Variants in PTPRN2 observed in about 807,000 individuals in gnomAD.
The protein encoded by PTPRN2 is receptor-type tyrosine-protein phosphatase N2.
PTPRN2 carries 74 observed loss-of-function variants against 118.8 expected under a neutral mutation model. That is an observed-to-expected ratio of 0.62 (90% CI 0.52 to 0.76). PTPRN2 has a LOEUF of 0.76. Ranked by LOEUF, PTPRN2 falls within the 30% of genes least tolerant of loss-of-function variation. The pLI, the probability that PTPRN2 is intolerant of heterozygous loss-of-function variation, is 0.00. For synonymous variants in PTPRN2, 641 were observed against 608.0 expected, an observed-to-expected ratio of 1.05 and a Z score of -0.80; for missense variants, 1,481 against 1,394.4, an observed-to-expected ratio of 1.06 and a Z score of -0.99.
At position 157,539,426 on chromosome 7, in the gene PTPRN2, G is replaced by A. The variant is rs1797908186; in HGVS notation, c.*1288C>T. 1 of 152,212 alleles carries A rather than the reference G, an allele frequency of 6.6e-6. No homozygotes were observed. The highest frequency in any genetic ancestry group is 1.5e-5 in the Non-Finnish European group (1 of 68,052). 9.4% of individuals were successfully genotyped at this position (152,212 alleles called of 1,614,324 possible). A position where few individuals can be genotyped will look rare whatever the true frequency, so the allele number is the denominator to read the frequency against. On this transcript the variant is annotated 3_prime_UTR_variant, in exon 23 of 23. Coordinates refer to ENST00000389418, the MANE Select transcript of PTPRN2 (RefSeq NM_002847.5). ...CGTTTTCTACGCTGAACCCCACACA[G>A]GAAATCTGCAGCCCACACAGCTGCC...
chr7:158,513,052 C>T (rs1823288458), intron 1 of PTPRN2, among the ~76,000 whole-genome samples: 1 of 152,206 alleles, frequency 6.6e-6, no homozygotes, highest in Non-Finnish European at 1.5e-5. Flanking sequence ...TGGGTTTACA[C>T]TGTGCCTTCC....
chr7:157,800,067 T>C (rs1411985232), intron 12 of PTPRN2, among the ~76,000 whole-genome samples: 8 of 126,864 alleles, frequency 6.3e-5, no homozygotes, highest in African/African-American at 1.8e-4. Context: ...CCCCATCCCT[T>C]AGAGGTACCA....
At position 157,729,369 on chromosome 7, in the gene PTPRN2, A is replaced by C. The variant is rs2150935258; in HGVS notation, c.1789-46432T>G. On this transcript the variant is annotated intron_variant, in intron 12 of 22. Transcript: ENST00000389418. The surrounding 1 kb of genome is among the most constrained non-coding windows in gnomAD (Gnocchi z 4.3). The stretch of plus-strand genomic sequence containing the variant: ...GGAACCCTGGGCTCTGGAGGGCTGG[A>C]TGCCTTCAGGTCCCGGACCCCCCAC... Among the ~76,000 whole-genome samples, 1 of 152,218 alleles carries C rather than the reference A, an allele frequency of 6.6e-6. No homozygotes were observed. The highest frequency in any genetic ancestry group is 2.1e-4 in the South Asian group (1 of 4,822).
chr7:158,484,938 A>G (rs988573774), intron 2 of PTPRN2, among the ~76,000 whole-genome samples: 5 of 152,186 alleles, frequency 3.3e-5, no homozygotes. Context: ...CGGCTGCAGG[A>G]GGAGCCTCCC....
In PTPRN2 at chr7:157,622,454, G is replaced by A. The variant is rs1803313574; in HGVS notation, c.2197-945C>T. On this transcript the variant is annotated intron_variant, in intron 14 of 22. Coordinates refer to ENST00000389418, the MANE Select transcript of PTPRN2 (RefSeq NM_002847.5). This position sits in a 1 kb window ranked among gnomAD's most constrained non-coding sequence, Gnocchi z 5.3. ...CCCTGACATCCCCTTCGATTGATCCGAGGAGCTGGGATGGTCCCTCCCTGC... is the reference window on the plus strand; with the variant it reads ...CCCTGACATCCCCTTCGATTGATCCAAGGAGCTGGGATGGTCCCTCCCTGC... Among the ~76,000 whole-genome samples, 2 of 152,120 alleles carry A rather than the reference G, an allele frequency of 1.3e-5. No individual in the cohort carries two copies. The highest frequency in any genetic ancestry group is 2.1e-4 in the South Asian group (1 of 4,820).
chr7:157,778,833 C>T (rs112810851), intron 12 of PTPRN2, among the ~76,000 whole-genome samples: 1,732 of 152,354 alleles, frequency 0.011, 34 homozygotes, highest in African/African-American at 0.04. Context: ...CCCACATAAA[C>T]ATGTCCACGT....
intron 22 of PTPRN2, among the ~76,000 whole-genome samples, chr7:157,545,267 T>C (rs58125652): frequency 0.02 from 2,926 of 149,436 alleles, 104 homozygotes; most frequent in African/African-American, 0.069. Flanking sequence ...TGCAGGTGTG[T>C]GCGTGTGAGC....
At position 157,690,511 on chromosome 7, in the gene PTPRN2, G is replaced by T. The variant is rs1305732594; in HGVS notation, c.1789-7574C>A. On this transcript the variant is annotated intron_variant, in intron 12 of 22. Coordinates refer to ENST00000389418, the MANE Select transcript of PTPRN2 (RefSeq NM_002847.5). The surrounding 1 kb of genome is among the most constrained non-coding windows in gnomAD (Gnocchi z 7.1). ...CGCCTCTTCCAGGGCCCACCCAACC[G>T]CACTACGAGCGCCCGCGCCCCGCCC... Among the ~76,000 whole-genome samples the T allele has an allele frequency of 6.6e-6, 1 of 151,888 alleles. No homozygotes were observed. Among genetic ancestry groups the T allele is most frequent in the Admixed American group, 6.5e-5 (1 of 15,274 alleles).
At chr7:157,857,998 G>T in intron 12 of PTPRN2, 1 of 155,982 alleles carries the variant, frequency 6.4e-6, no homozygotes. Flanking sequence ...CCCTTTGTCG[G>T]GGGGCCTGAA....
In PTPRN2 at chr7:157,627,070, CT is replaced by C. The variant is rs540690523; in HGVS notation, c.2197-5562del. Among the ~76,000 whole-genome samples, 6 of 152,354 alleles carry C rather than the reference CT, an allele frequency of 3.9e-5. No homozygotes were observed. In the East Asian group the frequency reaches 5.8e-4, roughly 15 times the overall value. The stretch of plus-strand genomic sequence containing the variant: ...ACAAGTCTCCTCCACAACTCTTCTC[CT>C]TTTTTCACATCTCCCTCATTCTCCA... On this transcript the variant is annotated intron_variant, in intron 14 of 22. Transcript: ENST00000389418. This position sits in a 1 kb window ranked among gnomAD's most constrained non-coding sequence, Gnocchi z 4.2.
chr7:157,684,368 AG>A (rs1388764319), intron 12 of PTPRN2, among the ~76,000 whole-genome samples: 8 of 125,886 alleles, frequency 6.4e-5, no homozygotes, highest in Admixed American at 1.7e-4. Flanking sequence ...TTGGAGAGGG[AG>A]GGAAGGAAAG....
chr7:157,666,268 C>T (rs1335682738), intron 13 of PTPRN2, among the ~76,000 whole-genome samples: 1 of 152,114 alleles, frequency 6.6e-6, no homozygotes, highest in Admixed American at 6.5e-5. Context: ...CTGAAGGTCC[C>T]TGCGTCTCAG....
intron 14 of PTPRN2, among the ~76,000 whole-genome samples, chr7:157,628,493 A>G (rs548432354): frequency 1.3e-5 from 2 of 152,230 alleles, no homozygotes; most frequent in Non-Finnish European, 2.9e-5. Flanking sequence ...AAGGCACTGG[A>G]CTTTGTGTTG....
At position 158,127,710 on chromosome 7, in the gene PTPRN2, T is replaced by C. The variant is rs187700326; in HGVS notation, c.1556+5967A>G. 3.4e-4 allele frequency among the ~76,000 whole-genome samples: 51 copies of C among 152,230 alleles called. 1 individual carries two copies. The East Asian group carries it at 6.2e-3, about 19-fold the overall frequency. Reference sequence around the variant, plus strand: ...TGGGGTAGGCAGAGAGAGGCATGTGTGTGTGAGCCGTGGTCTCTGAAGCTC... The same window carrying C: ...TGGGGTAGGCAGAGAGAGGCATGTGCGTGTGAGCCGTGGTCTCTGAAGCTC... On this transcript the variant is annotated intron_variant, in intron 9 of 22. Coordinates refer to ENST00000389418, the MANE Select transcript of PTPRN2 (RefSeq NM_002847.5).
chr7:157,750,674 A>G (rs1419837093), intron 12 of PTPRN2, among the ~76,000 whole-genome samples: 1 of 152,252 alleles, frequency 6.6e-6, no homozygotes, highest in African/African-American at 2.4e-5. Context: ...CAAAATGTCA[A>G]ACTCCTGAGG....
intron 2 of PTPRN2, among the ~76,000 whole-genome samples, chr7:158,337,088 C>T (rs1396938996): frequency 2.0e-5 from 3 of 151,396 alleles, no homozygotes; most frequent in Admixed American, 2.0e-4. Flanking sequence ...AGACGTCACT[C>T]ACACCCACAC....
rs1358461412 is a variant in PTPRN2 at position 158,438,512 on chromosome 7, G to A, written c.163+51223C>T. Among the ~76,000 whole-genome samples the A allele has an allele frequency of 2.6e-5, 4 of 152,172 alleles. No individual in the cohort carries two copies. Among genetic ancestry groups the A allele is most frequent in the Admixed American group, 1.3e-4 (2 of 15,290 alleles). ...ACAGGATCTTGGCCTCTCAAATCCC[G>A]GTTGCCTCCGCAGCTCCCCAAAGCA... On this transcript the variant is annotated intron_variant, in intron 2 of 22. Transcript: ENST00000389418. This position sits in a 1 kb window ranked among gnomAD's most constrained non-coding sequence, Gnocchi z 4.7.
chr7:158,199,083 C>T (rs1262899612), intron 4 of PTPRN2, among the ~76,000 whole-genome samples: 1 of 151,610 alleles, frequency 6.6e-6, no homozygotes, highest in Non-Finnish European at 1.5e-5. Flanking sequence ...TCAGGTTCCC[C>T]TTCCTTGACT....
intron 10 of PTPRN2, among the ~76,000 whole-genome samples, chr7:158,083,438 C>T (rs1274467277): frequency 1.3e-5 from 2 of 152,206 alleles, no homozygotes; most frequent in African/African-American, 2.4e-5. Flanking sequence ...TCGACCACAT[C>T]TGAAGATTCC....
Sources: allele counts gnomAD v4.1 joint callset (sites outside exome capture counted in the v4.1 genomes callset), GRCh38; gene constraint gnomAD v4.1.1; non-coding constraint Gnocchi (gnomAD v3.1); transcripts MANE v1.5; gene names NCBI Gene and HGNC (gene_info 2026-07-23, HGNC 2026-07-21).